The following RIPOR2 variants were observed in gnomAD, a reference collection of about 807,000 sequenced individuals.
RIPOR2 encodes the protein RHO family interacting cell polarization regulator 2.
A neutral mutation model predicts 114.5 loss-of-function variants in RIPOR2; 39 were observed. That is an observed-to-expected ratio of 0.34 (90% CI 0.26 to 0.44). The LOEUF (loss-of-function observed/expected upper bound fraction) is 0.44. Ranked by LOEUF, RIPOR2 falls within the 20% of genes least tolerant of loss-of-function variation. The probability of loss-of-function intolerance (pLI) is 1.00; values close to 1 mark genes in which losing one functional copy is unlikely to be tolerated. For missense variants in RIPOR2, 1,007 were observed against 1,255.1 expected, an observed-to-expected ratio of 0.80 and a Z score of 2.99; for synonymous variants, 445 against 484.4, an observed-to-expected ratio of 0.92 and a Z score of 1.07.
intron 1 of RIPOR2, among the ~76,000 whole-genome samples, chr6:24,970,895 A>AT (rs11454000): frequency 0.82 from 124,938 of 151,998 alleles, 54,176 homozygotes; most frequent in East Asian, 0.96. Flanking sequence ...CATTGCACAA[A>AT]TTTTTTTAAC....
At chr6:24,868,985 C>T in intron 6 of RIPOR2, 109 bp downstream of exon 6, 1 of 595,804 alleles carries the variant, frequency 1.7e-6, no homozygotes. Context: ...GCTTAGGAGT[C>T]AATTGGATAG....
rs1235119982 is a variant in RIPOR2 at position 24,828,305 on chromosome 6, A to G, written c.2507-10T>C. 5 of 1,535,492 alleles carry G rather than the reference A, an allele frequency of 3.3e-6. No individual in the cohort carries two copies. The highest frequency in any genetic ancestry group is 3.5e-6 in the Non-Finnish European group (4 of 1,139,038). On this transcript the variant is annotated splice_polypyrimidine_tract_variant and intron_variant, in intron 17 of 21. Transcript: ENST00000643898. Reference sequence around the variant, plus strand: ...ACCAGGGTTCGAAACACTATTCGGAAGGGAAAGACACAAAGCAGCTTTAGA... The same window carrying G: ...ACCAGGGTTCGAAACACTATTCGGAGGGGAAAGACACAAAGCAGCTTTAGA...
intron 1 of RIPOR2, among the ~76,000 whole-genome samples, chr6:25,018,490 T>C (rs1417970336): frequency 6.6e-6 from 1 of 152,172 alleles, no homozygotes; most frequent in Non-Finnish European, 1.5e-5. Flanking sequence ...GTTTTTTCTA[T>C]ATAGAACGCT....
intron 1 of RIPOR2, chr6:24,876,857 G>A (rs765295745): frequency 5.8e-6 from 3 of 521,060 alleles, no homozygotes; most frequent in Non-Finnish European, 4.9e-6. Context: ...AACTTCAGCT[G>A]AGCAGAAGCC....
rs201525268 is a variant in RIPOR2 at position 24,855,927 on chromosome 6, A to T, written c.716-3309T>A. On this transcript the variant is annotated intron_variant, in intron 8 of 21. Transcript: ENST00000643898. ...CGTGCGCCCGTGGTCCCAGTTACTC[A>T]GGAGGTTGAGGCAGGAGGATTGCTT... Among the ~76,000 whole-genome samples the T allele has an allele frequency of 3.9e-5, 6 of 152,220 alleles. 1 individual carries two copies. The South Asian group carries it at 6.2e-4, about 16-fold the overall frequency.
At chr6:24,859,863 C>G (rs1383956351) in intron 8 of RIPOR2, among the ~76,000 whole-genome samples, 2 of 152,154 alleles carry the variant, frequency 1.3e-5, no homozygotes, top group East Asian at 3.9e-4. Flanking sequence ...GTGATTAAAT[C>G]CCCATTAGCA....
intron 1 of RIPOR2, among the ~76,000 whole-genome samples, chr6:24,922,130 T>C (rs683198): frequency 0.17 from 26,329 of 151,906 alleles, 3,045 homozygotes; most frequent in African/African-American, 0.33. Flanking sequence ...CACGCCTGGC[T>C]GATATTCTTT....
intron 1 of RIPOR2, among the ~76,000 whole-genome samples, chr6:24,880,050 G>A (rs1388415873): frequency 1.3e-5 from 2 of 152,188 alleles, no homozygotes; most frequent in African/African-American, 2.4e-5. Flanking sequence ...GATGTAAAAT[G>A]GAATTAAAAT....
At position 24,828,134 on chromosome 6, in the gene RIPOR2, C is replaced by T. The variant is rs1189463665; in HGVS notation, c.2665+3G>A. The T allele has an allele frequency of 1.9e-6, 3 of 1,543,836 alleles. No homozygotes were observed. Among genetic ancestry groups the T allele is most frequent in the Non-Finnish European group, 8.8e-7 (1 of 1,142,612 alleles). On this transcript the variant is annotated splice_donor_region_variant and intron_variant, in intron 18 of 21. Transcript: ENST00000643898. ...TACAATGTGACAAAAGAACATGTCCCACCTTGCCTGGCCAGCTGGCTCAGG... is the reference window on the plus strand; with the variant it reads ...TACAATGTGACAAAAGAACATGTCCTACCTTGCCTGGCCAGCTGGCTCAGG...
intron 1 of RIPOR2, chr6:24,976,783 G>A: frequency 6.2e-7 from 1 of 1,611,556 alleles, no homozygotes; most frequent in Non-Finnish European, 8.5e-7. Context: ...TCTTGTCCAT[G>A]GCAAATGCTG....
At chr6:24,942,582 C>A (rs532640357) in intron 1 of RIPOR2, among the ~76,000 whole-genome samples, 1 of 152,142 alleles carries the variant, frequency 6.6e-6, no homozygotes, top group Non-Finnish European at 1.5e-5. Context: ...CTGTTGTTTC[C>A]TGACTTTTTA....
intron 1 of RIPOR2, among the ~76,000 whole-genome samples, chr6:24,926,759 C>T (rs1057185862): frequency 6.6e-6 from 1 of 152,010 alleles, no homozygotes; most frequent in East Asian, 1.9e-4. Context: ...TGTAGTAAAC[C>T]CTTATGGTTT....
chr6:24,906,344 T>A (rs1011951680), intron 1 of RIPOR2, among the ~76,000 whole-genome samples: 1 of 152,222 alleles, frequency 6.6e-6, no homozygotes, highest in Non-Finnish European at 1.5e-5. Context: ...TCTTTTTGTC[T>A]GGTAAATAGT....
intron 4 of RIPOR2, among the ~76,000 whole-genome samples, chr6:24,871,657 G>GA (rs1288930430): frequency 6.6e-6 from 1 of 152,188 alleles, no homozygotes; most frequent in Admixed American, 6.5e-5. Flanking sequence ...CCGGCCTTAA[G>GA]AAGAGTTCTT....
chr6:24,806,499 T>C (rs1780781146), intron 21 of RIPOR2, 26 bp from the exon 22 acceptor site: 1 of 1,450,996 alleles, frequency 6.9e-7, no homozygotes. Context: ...TAAACATGAA[T>C]ACCAATTCAA....
chr6:24,828,064 G>A, intron 18 of RIPOR2, 73 bp downstream of exon 18: 1 of 1,294,972 alleles, frequency 7.7e-7, no homozygotes, highest in Non-Finnish European at 1.0e-6. Context: ...ATTGCCAAAA[G>A]CCATGATTTA....
chr6:24,850,853 C>T (rs1762824096), intron 9 of RIPOR2, 131 bp from the exon 10 acceptor site: 1 of 1,058,470 alleles, frequency 9.4e-7, no homozygotes, highest in African/African-American at 1.6e-5. Flanking sequence ...CCTCCACCCC[C>T]TTACTCTTGG....
At chr6:24,892,506 A>G (rs936618441) in intron 1 of RIPOR2, among the ~76,000 whole-genome samples, 5 of 151,998 alleles carry the variant, frequency 3.3e-5, no homozygotes, top group African/African-American at 1.2e-4. Flanking sequence ...ATCTCACTCT[A>G]TTGCCTGGCT....
At chr6:24,954,391 C>T (rs145793508) in intron 1 of RIPOR2, among the ~76,000 whole-genome samples, 158 of 151,560 alleles carry the variant, frequency 1.0e-3, no homozygotes, top group African/African-American at 3.3e-3. Flanking sequence ...GGATTGGTGA[C>T]CAGTGACTGC....
Sources: gnomAD v4.1 joint callset for allele counts (sites outside exome capture counted in the v4.1 genomes callset) on GRCh38, gnomAD v4.1.1 for gene constraint, MANE v1.5 for transcripts, NCBI Gene and HGNC (gene_info 2026-07-23, HGNC 2026-07-21) for gene names.